Variants in CERS3 observed in about 807,000 individuals in gnomAD.
CERS3 encodes the protein LAG1 homolog, ceramide synthase 3.
A neutral mutation model predicts 50.3 loss-of-function variants in CERS3; 33 were observed. That is an observed-to-expected ratio of 0.66 (90% CI 0.50 to 0.88). The LOEUF (loss-of-function observed/expected upper bound fraction) is 0.88, where lower values mean the gene tolerates loss of function less well. Ranked by LOEUF, CERS3 falls within the 40% of genes least tolerant of loss-of-function variation. The probability of loss-of-function intolerance (pLI) is 0.00; values close to 1 mark genes in which losing one functional copy is unlikely to be tolerated. For synonymous variants in CERS3, 176 were observed against 155.2 expected (o/e 1.13, Z -0.99); for missense variants, 470 against 460.3 (o/e 1.02, Z -0.19).
chr15:100,420,905 A>ATTTAGGAGTCCCACTCC (rs2032375393), intron 11 of CERS3, among the ~76,000 whole-genome samples: 2 of 150,244 alleles, frequency 1.3e-5, no homozygotes, highest in South Asian at 4.3e-4. Flanking sequence ...AAAACTCTCA[A>ATTTAGGAGTCCCACTCC]TAAATTAGGT....
chr15:100,539,937 G>T (rs2037160316), intron 1 of CERS3, among the ~76,000 whole-genome samples: 1 of 152,160 alleles, frequency 6.6e-6, no homozygotes. Flanking sequence ...AGGGGGAGCT[G>T]TCCTCCTGCT....
chr15:100,442,839 G>A (rs1425024393), intron 11 of CERS3, among the ~76,000 whole-genome samples: 4 of 152,252 alleles, frequency 2.6e-5, no homozygotes, highest in African/African-American at 7.2e-5. Flanking sequence ...ACAGTGGAAG[G>A]TAAGCCCATC....
intron 9 of CERS3, 24 bp from the exon 10 acceptor site, chr15:100,469,508 G>T (rs1235097437): frequency 1.3e-6 from 2 of 1,483,348 alleles, no homozygotes; most frequent in Non-Finnish European, 1.9e-6. Context: ...AGAAACTGCA[G>T]ATAAAGTGAC....
chr15:100,463,931 C>A (rs1359324600), intron 10 of CERS3, among the ~76,000 whole-genome samples: 1 of 152,202 alleles, frequency 6.6e-6, no homozygotes, highest in Non-Finnish European at 1.5e-5. Flanking sequence ...CATCCCGGGT[C>A]CCCACTGATG....
chr15:100,418,763 TG>T (rs2032168952), intron 11 of CERS3, among the ~76,000 whole-genome samples: 1 of 132,926 alleles, frequency 7.5e-6, no homozygotes, highest in East Asian at 2.2e-4. Context: ...CAGAAGAGAG[TG>T]GGGGCCAATA....
chr15:100,409,728 C>G (rs1290023099), intron 11 of CERS3, among the ~76,000 whole-genome samples: 1 of 152,164 alleles, frequency 6.6e-6, no homozygotes, highest in Non-Finnish European at 1.5e-5. Flanking sequence ...CATTTGCTCT[C>G]CACACACCAA....
intron 11 of CERS3, among the ~76,000 whole-genome samples, chr15:100,433,723 GCA>G (rs143179775): frequency 2.0e-4 from 30 of 151,990 alleles, no homozygotes; most frequent in African/African-American, 2.4e-4. Context: ...GCACACATGT[GCA>G]CACACACACA....
chr15:100,414,721 G>A (rs2031760351), intron 11 of CERS3, among the ~76,000 whole-genome samples: 1 of 151,636 alleles, frequency 6.6e-6, no homozygotes, highest in Admixed American at 6.6e-5. Context: ...AAACTGGCCA[G>A]CCATATGCAA....
chr15:100,479,973 T>C lies in CERS3; in HGVS notation c.465+16A>G. 1 of 1,585,998 alleles carries C rather than the reference T, an allele frequency of 6.3e-7. No homozygotes were observed. The highest frequency in any genetic ancestry group is 8.6e-7 in the Non-Finnish European group (1 of 1,160,040). The stretch of plus-strand genomic sequence containing the variant: ...TAAAGACAAATTCCAATCGAAGATA[T>C]AAAAAGATAACTTACATCATAAAGA... On this transcript the variant is annotated intron_variant, in intron 6 of 11. Transcript: ENST00000679737.
intron 10 of CERS3, among the ~76,000 whole-genome samples, chr15:100,467,784 CACAT>C (rs2034803394): frequency 7.6e-6 from 1 of 131,636 alleles, no homozygotes; most frequent in Non-Finnish European, 1.6e-5. Flanking sequence ...TATATATACA[CACAT>C]ATATATGTAT....
intron 11 of CERS3, among the ~76,000 whole-genome samples, chr15:100,450,376 C>T (rs1365002849): frequency 7.0e-6 from 1 of 143,310 alleles, no homozygotes; most frequent in Non-Finnish European, 1.5e-5. Context: ...CAAGATCGTG[C>T]CACTGCACTC....
At chr15:100,503,589 G>A in intron 2 of CERS3, 1 of 419,494 alleles carries the variant, frequency 2.4e-6, no homozygotes, top group Non-Finnish European at 5.0e-6. Flanking sequence ...GGGTGTCTTT[G>A]TGCTGATTAG....
chr15:100,427,195 A>C (rs537400147), intron 11 of CERS3, among the ~76,000 whole-genome samples: 1 of 152,138 alleles, frequency 6.6e-6, no homozygotes, highest in East Asian at 1.9e-4. Flanking sequence ...GGTCCTCTGC[A>C]GCAGGCCTTG....
intron 6 of CERS3, 60 bp downstream of exon 6, chr15:100,479,929 A>T: frequency 7.8e-7 from 1 of 1,285,430 alleles, no homozygotes; most frequent in Non-Finnish European, 1.1e-6. Flanking sequence ...AGGAATTCAC[A>T]GACAAGAATT....
At chr15:100,486,905 C>A (rs984688701) in intron 4 of CERS3, among the ~76,000 whole-genome samples, 1 of 152,200 alleles carries the variant, frequency 6.6e-6, no homozygotes, top group Non-Finnish European at 1.5e-5. Flanking sequence ...TCTCCCATGA[C>A]TTCTGCAAAT....
chr15:100,432,597 G>A (rs1461634733), intron 11 of CERS3, among the ~76,000 whole-genome samples: 1 of 152,170 alleles, frequency 6.6e-6, no homozygotes, highest in African/African-American at 2.4e-5. Flanking sequence ...TTTTGTATGA[G>A]TCAGACCACA....
intron 11 of CERS3, among the ~76,000 whole-genome samples, chr15:100,414,622 C>T (rs1053474215): frequency 2.6e-5 from 4 of 151,964 alleles, no homozygotes; most frequent in Non-Finnish European, 4.4e-5. Flanking sequence ...AGAAATAATA[C>T]CACACATCTA....
chr15:100,410,433 A>C (rs2011459), intron 11 of CERS3, among the ~76,000 whole-genome samples: 85,790 of 151,936 alleles, frequency 0.56, 24,476 homozygotes, highest in Non-Finnish European at 0.6. Context: ...AACATACAAC[A>C]CACCAGGAGA....
At chr15:100,488,776 A>G (rs1456995994) in intron 4 of CERS3, among the ~76,000 whole-genome samples, 1 of 123,908 alleles carries the variant, frequency 8.1e-6, no homozygotes, top group African/African-American at 3.1e-5. Context: ...GGGGTGATAT[A>G]TAACTGTTTT....
Sources: gnomAD v4.1 joint callset for allele counts (sites outside exome capture counted in the v4.1 genomes callset) on GRCh38, gnomAD v4.1.1 for gene constraint, MANE v1.5 for transcripts, NCBI Gene and HGNC (gene_info 2026-07-23, HGNC 2026-07-21) for gene names.